Variants in SLIT1 observed in about 807,000 individuals in gnomAD.
SLIT1 encodes slit homolog 1 protein.
Under a neutral mutation model 186.1 loss-of-function variants are expected in SLIT1, and 66 were observed. The ratio of observed to expected loss-of-function variants is 0.35; its 90% CI spans 0.29 to 0.44. The LOEUF is 0.44. SLIT1 is among the 20% of genes least tolerant of loss of function. The probability of loss-of-function intolerance (pLI) is 1.00; values close to 1 mark genes in which losing one functional copy is unlikely to be tolerated. For missense variants in SLIT1, 1,638 were observed against 2,037.4 expected, an observed-to-expected ratio of 0.80 and a Z score of 3.77; for synonymous variants, 761 against 833.8, an observed-to-expected ratio of 0.91 and a Z score of 1.50.
intron 25 of SLIT1, among the ~76,000 whole-genome samples, chr10:97,029,595 C>T (rs1848574154): frequency 6.6e-6 from 1 of 152,204 alleles, no homozygotes; most frequent in Admixed American, 6.5e-5. Flanking sequence ...CAGTCCAGTG[C>T]TTTTTGATTT....
At chr10:97,058,116 G>T in intron 11 of SLIT1, 1 of 711,924 alleles carries the variant, frequency 1.4e-6, no homozygotes. Flanking sequence ...CTGGAATGGA[G>T]GGAACAAATG....
At chr10:97,113,269 G>T (rs1398202252) in intron 4 of SLIT1, among the ~76,000 whole-genome samples, 1 of 151,870 alleles carries the variant, frequency 6.6e-6, no homozygotes, top group Non-Finnish European at 1.5e-5. Context: ...TTTTGTTTTT[G>T]ATATGGAGTT....
At chr10:97,100,858 G>A (rs1296967163) in intron 4 of SLIT1, among the ~76,000 whole-genome samples, 1 of 152,214 alleles carries the variant, frequency 6.6e-6, no homozygotes, top group Non-Finnish European at 1.5e-5. Context: ...AAATGCCCTG[G>A]AAGCCACAGG....
At chr10:97,109,336 A>G (rs1849443797) in intron 4 of SLIT1, among the ~76,000 whole-genome samples, 1 of 152,108 alleles carries the variant, frequency 6.6e-6, no homozygotes, top group African/African-American at 2.4e-5. Context: ...TGATGCCCGC[A>G]CTCCTATCTG....
chr10:97,107,086 G>A (rs953533040), intron 4 of SLIT1, among the ~76,000 whole-genome samples: 1 of 152,248 alleles, frequency 6.6e-6, no homozygotes, highest in Non-Finnish European at 1.5e-5. Flanking sequence ...GGTCCTCCAG[G>A]ATGTTTGCCA....
At chr10:97,100,807 G>A (rs1460312775) in intron 4 of SLIT1, among the ~76,000 whole-genome samples, 4 of 152,324 alleles carry the variant, frequency 2.6e-5, no homozygotes, top group East Asian at 3.9e-4. Flanking sequence ...ACTGCCACCC[G>A]TTGGTACGCC....
At chr10:97,058,816 G>T (rs2134635433) in intron 11 of SLIT1, among the ~76,000 whole-genome samples, 1 of 152,366 alleles carries the variant, frequency 6.6e-6, no homozygotes, top group African/African-American at 2.4e-5. Context: ...GGCACCCTGA[G>T]TGTGCTCTCT....
chr10:97,030,706 A>C, intron 25 of SLIT1, 51 bp downstream of exon 25: 2 of 1,451,918 alleles, frequency 1.4e-6, no homozygotes, highest in Non-Finnish European at 1.9e-6. Flanking sequence ...CTCAGAAACC[A>C]AGTCCTGTTG....
intron 20 of SLIT1, among the ~76,000 whole-genome samples, chr10:97,042,305 T>C (rs1251391871): frequency 2.6e-5 from 4 of 152,142 alleles, no homozygotes; most frequent in African/African-American, 9.7e-5. Flanking sequence ...AGAAATTCCC[T>C]GCGGCAGGGT....
chr10:97,166,612 A>AAAGG (rs1554854798), intron 1 of SLIT1, among the ~76,000 whole-genome samples: 4 of 68,056 alleles, frequency 5.9e-5, no homozygotes, highest in Non-Finnish European at 1.2e-4. Context: ...AGAAAGAAAG[A>AAAGG]AAGAAAGAAA....
At chr10:97,084,438 T>C (rs1849136403) in intron 4 of SLIT1, among the ~76,000 whole-genome samples, 1 of 152,206 alleles carries the variant, frequency 6.6e-6, no homozygotes, top group Admixed American at 6.5e-5. Flanking sequence ...GTAGAGTGAA[T>C]GAGGGTTAAA....
chr10:97,056,472 C>A lies in SLIT1; in HGVS notation c.1158-8G>T. On this transcript the variant is annotated splice_polypyrimidine_tract_variant and splice_region_variant and intron_variant, in intron 12 of 36. Coordinates refer to ENST00000266058, the MANE Select transcript of SLIT1 (RefSeq NM_003061.3). Reference sequence around the variant, plus strand: ...TTGTTGGCATTCAGGAGCCTGTGGGCAGAGCCAGGACCAAGTGGTGAGGAG... The same window carrying A: ...TTGTTGGCATTCAGGAGCCTGTGGGAAGAGCCAGGACCAAGTGGTGAGGAG... 1 of 1,613,926 alleles carries A rather than the reference C, an allele frequency of 6.2e-7. No individual in the cohort carries two copies. Among genetic ancestry groups the A allele is most frequent in the Non-Finnish European group, 8.5e-7 (1 of 1,179,888 alleles).
At chr10:97,026,201 TG>T (rs1848543896) in intron 25 of SLIT1, among the ~76,000 whole-genome samples, 1 of 152,214 alleles carries the variant, frequency 6.6e-6, no homozygotes, top group South Asian at 2.1e-4. Context: ...CGGTGGCTTA[TG>T]CCTGTAATCT....
chr10:97,107,220 T>C (rs568239841), intron 4 of SLIT1, among the ~76,000 whole-genome samples: 8 of 152,376 alleles, frequency 5.3e-5, no homozygotes, highest in Non-Finnish European at 1.0e-4. Flanking sequence ...CCTGGAGACA[T>C]GCTCACCTGA....
rs190959790 is a variant in SLIT1 at position 97,166,389 on chromosome 10, A to G, written c.198-1499T>C. On this transcript the variant is annotated intron_variant, in intron 1 of 36. Transcript: ENST00000266058. ...AAAATTATCGGGCATGGTGGCAGGC[A>G]CCTGTAATCCCAGCTACTCGGGAGG... is the stretch of plus-strand genomic sequence containing the variant. Among the ~76,000 whole-genome samples the G allele has an allele frequency of 1.3e-3, 196 of 151,468 alleles. 1 individual carries two copies. The highest frequency in any genetic ancestry group is 4.3e-3 in the African/African-American group (179 of 41,258).
intron 18 of SLIT1, among the ~76,000 whole-genome samples, chr10:97,045,438 G>C (rs1185453811): frequency 1.3e-5 from 2 of 152,214 alleles, no homozygotes; most frequent in African/African-American, 4.8e-5. Flanking sequence ...GTATGTATGT[G>C]TGTATATGTA....
intron 26 of SLIT1, among the ~76,000 whole-genome samples, chr10:97,020,103 T>C (rs887855368): frequency 6.6e-6 from 1 of 152,020 alleles, no homozygotes; most frequent in Admixed American, 6.6e-5. Flanking sequence ...ACCCAGTAGC[T>C]GGGACTACAG....
Position 97,049,074 on chromosome 10 carries a change from C to T in SLIT1, c.1346G>A (p.Trp449Ter), listed in dbSNP as rs749275655. ...ATTGGTGCGCAGGAAGTCTGCCAGC[C>T]ACTTGAGGTTACAGTCGCAAATGAA... is the stretch of plus-strand genomic sequence containing the variant. ...NPFICDCNLKWLADFLRTNPI... is the reference protein window; with the variant it reads ...NPFICDCNLK Residue 449 changes from tryptophan (W) to a stop codon, truncating the protein, a stop_gained, in exon 14 of 37, where the codon TGG becomes TAG. Coordinates refer to ENST00000266058, the MANE Select transcript of SLIT1 (RefSeq NM_003061.3). LOFTEE classifies it high-confidence loss of function. The T allele has an allele frequency of 6.2e-7, 1 of 1,613,902 alleles. No homozygotes were observed. Among genetic ancestry groups the T allele is most frequent in the Non-Finnish European group, 8.5e-7 (1 of 1,180,036 alleles).
chr10:97,092,989 T>C (rs771588332), intron 4 of SLIT1, among the ~76,000 whole-genome samples: 2 of 152,192 alleles, frequency 1.3e-5, no homozygotes, highest in Non-Finnish European at 2.9e-5. Context: ...TTGCCTAAGG[T>C]TACACAGCTG....
Sources: gnomAD v4.1 joint callset for allele counts (sites outside exome capture counted in the v4.1 genomes callset) on GRCh38, gnomAD v4.1.1 for gene constraint, MANE v1.5 for transcripts, NCBI Gene and HGNC (gene_info 2026-07-23, HGNC 2026-07-21) for gene names.